The following DMD variants were observed in gnomAD, a reference collection of about 807,000 sequenced individuals.
DMD encodes mutant dystrophin.
DMD carries 63 observed loss-of-function variants against 330.1 expected under a neutral mutation model. That is an observed-to-expected ratio of 0.19 (90% CI 0.16 to 0.24). DMD has a LOEUF of 0.24. Among genes scored for constraint, DMD ranks in the 10% least tolerant of loss-of-function variants. DMD has a pLI of 1.00. For missense variants in DMD, 3,344 were observed against 2,684.1 expected (o/e 1.25, Z -5.43); for synonymous variants, 1,223 against 959.8 (o/e 1.27, Z -5.07).
Position 33,303,330 on chromosome X carries a change from CA to C in DMD, c.7+35928del, listed in dbSNP as rs765548303. On this transcript the variant is annotated intron_variant, in intron 1 of 17. Coordinates refer to the DMD transcript ENST00000288447. ...TAACAAGCCAAAATAAGCTTAGTTT[CA>C]GTTAAGAATTATGGTTTTAAAATCT... Among the ~76,000 whole-genome samples, 22 of 111,274 alleles carry C rather than the reference CA, an allele frequency of 2.0e-4. No individual in the cohort carries two copies. The East Asian group carries it at 3.4e-3, about 17-fold the overall frequency.
chrX:32,040,237 GGTGTGTGTGTGTAAGC>G (rs2095988858), intron 44 of DMD, among the ~76,000 whole-genome samples: 2 of 111,101 alleles, frequency 1.8e-5, no homozygotes, highest in East Asian at 5.7e-4. Flanking sequence ...TAACTTCACT[GGTGTGTGTGTGTAAGC>G]GTGTGTGTGT....
At chrX:31,560,291 A>C (rs777170184) in intron 55 of DMD, among the ~76,000 whole-genome samples, 1 of 111,965 alleles carries the variant, frequency 8.9e-6, no homozygotes, top group Non-Finnish European at 1.9e-5. Context: ...CAAGGCTTCA[A>C]TCACACTGTA....
At chrX:31,621,181 G>A (rs1416293172) in intron 55 of DMD, among the ~76,000 whole-genome samples, 1 of 111,634 alleles carries the variant, frequency 9.0e-6, no homozygotes, top group African/African-American at 3.3e-5. Flanking sequence ...ATCATGCCAA[G>A]TGGTAAGCAG....
At chrX:31,676,612 T>C (rs1658491965) in intron 53 of DMD, among the ~76,000 whole-genome samples, 1 of 111,725 alleles carries the variant, frequency 9.0e-6, no homozygotes, top group Non-Finnish European at 1.9e-5. Flanking sequence ...ACGTAGACAA[T>C]TGGAAGAGGA....
chrX:32,001,241 A>G (rs1468899003), intron 44 of DMD, among the ~76,000 whole-genome samples: 1 of 111,214 alleles, frequency 9.0e-6, no homozygotes, highest in Non-Finnish European at 1.9e-5. Flanking sequence ...ACACTTTAAA[A>G]AGGCGATTTT....
intron 43 of DMD, among the ~76,000 whole-genome samples, chrX:32,223,313 A>G (rs2097137547): frequency 9.0e-6 from 1 of 111,662 alleles, no homozygotes; most frequent in Admixed American, 9.5e-5. Context: ...AGCCTTGTTT[A>G]TAAGGGTCTT....
chrX:32,665,534 G>A (rs2061246763), intron 9 of DMD, among the ~76,000 whole-genome samples: 1 of 112,141 alleles, frequency 8.9e-6, no homozygotes, highest in African/African-American at 3.2e-5. Flanking sequence ...AGCACATATT[G>A]TGGATTCATG....
chrX:31,696,851 TAGATTCAC>T (rs2083477194), intron 52 of DMD, among the ~76,000 whole-genome samples: 1 of 112,160 alleles, frequency 8.9e-6, no homozygotes, highest in South Asian at 3.6e-4. Flanking sequence ...TGAACTGGAC[TAGATTCAC>T]AGACACACAT....
intron 49 of DMD, among the ~76,000 whole-genome samples, chrX:31,825,152 T>C (rs1479286976): frequency 1.8e-5 from 2 of 111,730 alleles, no homozygotes; most frequent in Non-Finnish European, 3.8e-5. Flanking sequence ...CTGGTTTCCC[T>C]GTGAAGTTTC....
At chrX:32,061,078 C>T (rs979825905) in intron 44 of DMD, among the ~76,000 whole-genome samples, 2 of 111,361 alleles carry the variant, frequency 1.8e-5, no homozygotes, top group Non-Finnish European at 3.8e-5. Context: ...AACCACTTCT[C>T]TACATTTTTT....
intron 29 of DMD, among the ~76,000 whole-genome samples, chrX:32,421,428 T>C (rs989921885): frequency 7.6e-5 from 8 of 104,805 alleles, no homozygotes; most frequent in African/African-American, 2.9e-4. Flanking sequence ...AGCAGGAACA[T>C]GGTGTATGGA....
intron 26 of DMD, among the ~76,000 whole-genome samples, chrX:32,449,877 G>A (rs1002683880): frequency 9.0e-6 from 1 of 110,617 alleles, no homozygotes; most frequent in African/African-American, 3.3e-5. Flanking sequence ...TAGCTGAATG[G>A]GGAATTGAGA....
At chrX:31,480,946 A>C (rs1489863756) in intron 57 of DMD, among the ~76,000 whole-genome samples, 1 of 112,044 alleles carries the variant, frequency 8.9e-6, no homozygotes, top group African/African-American at 3.2e-5. Context: ...AGAAGCTAGT[A>C]ATCACATAGA....
chrX:32,407,923 T>G (rs1229937599), intron 30 of DMD, among the ~76,000 whole-genome samples: 1 of 87,132 alleles, frequency 1.1e-5, no homozygotes, highest in Non-Finnish European at 2.1e-5. Flanking sequence ...AATTGAACAA[T>G]GAGAACACAT....
intron 44 of DMD, among the ~76,000 whole-genome samples, chrX:32,142,504 T>C (rs936826012): frequency 2.7e-5 from 3 of 112,526 alleles, no homozygotes; most frequent in African/African-American, 6.5e-5. Flanking sequence ...GTTAAGAATA[T>C]GCACTGAATA....
chrX:32,557,258 T>C (rs1421500297), intron 16 of DMD, among the ~76,000 whole-genome samples: 1 of 111,985 alleles, frequency 8.9e-6, no homozygotes, highest in African/African-American at 3.2e-5. Flanking sequence ...CTCCTACACT[T>C]GTACACTTTT....
chrX:32,801,663 T>A (rs930295009), intron 7 of DMD, among the ~76,000 whole-genome samples: 25 of 112,192 alleles, frequency 2.2e-4, no homozygotes, highest in Non-Finnish European at 4.1e-4. Flanking sequence ...AAGTCTTTAA[T>A]CCATCTTGAG....
At chrX:33,199,119 A>G (rs1323160583) in intron 1 of DMD, among the ~76,000 whole-genome samples, 1 of 111,308 alleles carries the variant, frequency 9.0e-6, no homozygotes, top group Non-Finnish European at 1.9e-5. Context: ...CAACCAAGAG[A>G]AACTACTAAC....
intron 47 of DMD, among the ~76,000 whole-genome samples, chrX:31,902,865 G>C (rs149533591): frequency 0.016 from 1,755 of 111,254 alleles, 34 homozygotes; most frequent in African/African-American, 0.052. Flanking sequence ...TTGAATCGTG[G>C]TTGGCTACAT....
Sources: gnomAD v4.1 joint callset for allele counts (sites outside exome capture counted in the v4.1 genomes callset) on GRCh38, gnomAD v4.1.1 for gene constraint, MANE v1.5 for transcripts, NCBI Gene and HGNC (gene_info 2026-07-23, HGNC 2026-07-21) for gene names.